Variants in SAMD12 observed in about 807,000 individuals in gnomAD.
The protein encoded by SAMD12 is sterile alpha motif domain-containing protein 12.
A neutral mutation model predicts 15.0 loss-of-function variants in SAMD12; 9 were observed. The observed-to-expected ratio is 0.60, with a 90% CI of 0.36 to 1.05. The LOEUF (loss-of-function observed/expected upper bound fraction) is 1.05. Ranked by LOEUF, SAMD12 falls within the 50% of genes least tolerant of loss-of-function variation. The pLI, the probability that SAMD12 is intolerant of heterozygous loss-of-function variation, is 0.01. For synonymous variants in SAMD12, 86 were observed against 90.1 expected (o/e 0.96, Z 0.25); for missense variants, 230 against 234.2 (o/e 0.98, Z 0.12).
chr8:118,270,879 T>C (rs918234719), intron 4 of SAMD12, among the ~76,000 whole-genome samples: 17 of 152,260 alleles, frequency 1.1e-4, no homozygotes, highest in Middle Eastern at 3.4e-3. Flanking sequence ...CAAACAAGCA[T>C]AAAGAAGAGA....
At chr8:118,243,392 G>A (rs1318660031) in intron 4 of SAMD12, among the ~76,000 whole-genome samples, 1 of 152,046 alleles carries the variant, frequency 6.6e-6, no homozygotes, top group Non-Finnish European at 1.5e-5. Flanking sequence ...CATGAATCAA[G>A]TAGCACTGCT....
chr8:118,426,520 G>A (rs1822239839), intron 3 of SAMD12, among the ~76,000 whole-genome samples: 1 of 152,140 alleles, frequency 6.6e-6, no homozygotes, highest in African/African-American at 2.4e-5. Flanking sequence ...GAAACCATGG[G>A]CATTATTAAG....
chr8:118,500,444 GA>G (rs1175448542), intron 2 of SAMD12, among the ~76,000 whole-genome samples: 5 of 151,558 alleles, frequency 3.3e-5, no homozygotes, highest in Non-Finnish European at 7.4e-5. Flanking sequence ...AATGTGATTA[GA>G]ACCATGCCTA....
downstream of SAMD12, among the ~76,000 whole-genome samples, chr8:118,373,439 G>A (rs936359973): frequency 6.6e-5 from 10 of 152,114 alleles, no homozygotes; most frequent in South Asian, 4.1e-4. Flanking sequence ...GTATCATTGC[G>A]GAGGTGACTG....
intron 4 of SAMD12, among the ~76,000 whole-genome samples, chr8:118,319,808 T>G (rs1563760198): frequency 6.6e-6 from 1 of 152,062 alleles, no homozygotes; most frequent in Non-Finnish European, 1.5e-5. Context: ...GCAGGTTTGG[T>G]GTTTGAGATA....
At chr8:118,196,651 G>A (rs900228325) in exon 5 of SAMD12, 1 of 152,126 alleles carries the variant, frequency 6.6e-6, no homozygotes, top group Non-Finnish European at 1.5e-5. Flanking sequence ...CTCTCTTGAT[G>A]TTTCTCTCTT....
rs140120372 is a variant in SAMD12 at position 118,379,733 on chromosome 8, A to T, written c.323-33T>A. 3.1e-6 allele frequency: 5 copies of T among 1,600,086 alleles called. No homozygotes were observed. In the African/African-American group the frequency reaches 5.4e-5, roughly 17 times the overall value. ...GTTTTAAGAAATAAAAGGAAAAGCA[A>T]ATGAACTACTTGCTGAAGAAAGATG... On this transcript the variant is annotated intron_variant, in intron 3 of 3. Transcript: ENST00000314727.
At chr8:118,207,042 G>A (rs963732547) in intron 4 of SAMD12, among the ~76,000 whole-genome samples, 1 of 152,216 alleles carries the variant, frequency 6.6e-6, no homozygotes, top group Admixed American at 6.5e-5. Context: ...TCAAGTATGG[G>A]CAGAATTTCC....
chr8:118,470,610 T>C (rs945621289), intron 2 of SAMD12, among the ~76,000 whole-genome samples: 1 of 152,050 alleles, frequency 6.6e-6, no homozygotes, highest in Non-Finnish European at 1.5e-5. Context: ...AGCTGATGCA[T>C]GTAATAGCTC....
intron 4 of SAMD12, among the ~76,000 whole-genome samples, chr8:118,259,766 A>T (rs1813033672): frequency 6.6e-6 from 1 of 152,116 alleles, no homozygotes; most frequent in African/African-American, 2.4e-5. Flanking sequence ...TGATGTTTCC[A>T]GTGAAAAAGA....
chr8:118,310,243 T>C (rs1036770671), intron 4 of SAMD12, among the ~76,000 whole-genome samples: 4 of 152,188 alleles, frequency 2.6e-5, no homozygotes, highest in Non-Finnish European at 4.4e-5. Context: ...TCCTTTTTTT[T>C]CCACTCATGC....
chr8:118,171,342 T>G, the SAMD12 span, among the ~76,000 whole-genome samples: 669 of 152,256 alleles, frequency 4.4e-3, 4 homozygotes, highest in African/African-American at 0.015. Flanking sequence ...TTAGTATATA[T>G]CCAAGAGAAA....
intron 2 of SAMD12, among the ~76,000 whole-genome samples, chr8:118,553,375 C>T (rs1373056152): frequency 6.6e-6 from 1 of 151,974 alleles, no homozygotes; most frequent in Non-Finnish European, 1.5e-5. Context: ...AGAAATAACG[C>T]CGCATATCTA....
chr8:118,260,658 C>A (rs1331429747), intron 4 of SAMD12, among the ~76,000 whole-genome samples: 1 of 152,078 alleles, frequency 6.6e-6, no homozygotes, highest in East Asian at 1.9e-4. Context: ...TGGGCAGTAC[C>A]AGCAGGAGTT....
At chr8:118,321,140 AATAAATATATATATATATATATAT>A in intron 4 of SAMD12, among the ~76,000 whole-genome samples, 1 of 78,754 alleles carries the variant, frequency 1.3e-5, no homozygotes, top group East Asian at 6.1e-4. Context: ...TATCATAGAT[AATAAATATATATATATATATATAT>A]ATATATATAT....
At chr8:118,422,543 A>G (rs1822045793) in intron 3 of SAMD12, among the ~76,000 whole-genome samples, 1 of 152,172 alleles carries the variant, frequency 6.6e-6, no homozygotes, top group Non-Finnish European at 1.5e-5. Context: ...TCAGGACAGG[A>G]TGGATTGTTG....
At chr8:118,532,790 TTTATCA>T (rs1366962449) in intron 2 of SAMD12, among the ~76,000 whole-genome samples, 3 of 152,174 alleles carry the variant, frequency 2.0e-5, no homozygotes, top group Admixed American at 1.3e-4. Flanking sequence ...TGATATCCCC[TTTATCA>T]TTTTTTATTG....
At chr8:118,545,812 T>C (rs141096927) in intron 2 of SAMD12, among the ~76,000 whole-genome samples, 10 of 152,334 alleles carry the variant, frequency 6.6e-5, no homozygotes, top group African/African-American at 2.4e-4. Context: ...AGTTAACATG[T>C]GTCAAGCTTC....
At chr8:118,421,922 G>A (rs1005080444) in intron 3 of SAMD12, among the ~76,000 whole-genome samples, 3 of 152,180 alleles carry the variant, frequency 2.0e-5, no homozygotes, top group Non-Finnish European at 4.4e-5. Context: ...GGGGCTTAGT[G>A]CAGATCCAAA....
Sources: allele counts gnomAD v4.1 joint callset (sites outside exome capture counted in the v4.1 genomes callset), GRCh38; gene constraint gnomAD v4.1.1; transcripts MANE v1.5; gene names NCBI Gene and HGNC (gene_info 2026-07-23, HGNC 2026-07-21).